Variants in SYNE2 observed in about 807,000 individuals in gnomAD.
SYNE2 encodes the protein nesprin-2.
SYNE2 carries 431 observed loss-of-function variants against 856.3 expected under a neutral mutation model. The ratio of observed to expected loss-of-function variants is 0.50; its 90% CI spans 0.47 to 0.55. The LOEUF (loss-of-function observed/expected upper bound fraction) is 0.55, where lower values mean the gene tolerates loss of function less well. Ranked by LOEUF, SYNE2 falls within the 20% of genes least tolerant of loss-of-function variation. SYNE2 has a pLI of 0.00. For missense variants in SYNE2, 8,129 were observed against 8,023.2 expected (o/e 1.01, Z -0.50); for synonymous variants, 2,923 against 2,872.3 (o/e 1.02, Z -0.56).
chr14:63,998,361 A>C, intron 26 of SYNE2, 33 bp downstream of exon 26: 1 of 1,432,604 alleles, frequency 7.0e-7, no homozygotes, highest in Non-Finnish European at 9.9e-7. Context: ...TGGAAAATCC[A>C]CCAGAAGTCT....
intron 89 of SYNE2, 25 bp from the exon 90 acceptor site, chr14:64,165,260 C>G: frequency 6.2e-7 from 1 of 1,610,344 alleles, no homozygotes; most frequent in Non-Finnish European, 8.5e-7. Context: ...AAAATAGTTT[C>G]TAATGAAAAT....
chr14:64,051,072 T>C (rs938665987), intron 47 of SYNE2, among the ~76,000 whole-genome samples: 1 of 152,132 alleles, frequency 6.6e-6, no homozygotes, highest in Non-Finnish European at 1.5e-5. Flanking sequence ...GGGGTTTACT[T>C]TCAGTAACAG....
intron 9 of SYNE2, among the ~76,000 whole-genome samples, chr14:63,962,868 A>G (rs1018064874): frequency 2.0e-5 from 3 of 152,204 alleles, no homozygotes; most frequent in Admixed American, 1.3e-4. Context: ...CCATTTGATT[A>G]TTCAGTTTTT....
At chr14:64,207,747 TAGTG>T (rs1168974602) in intron 100 of SYNE2, among the ~76,000 whole-genome samples, 1 of 152,230 alleles carries the variant, frequency 6.6e-6, no homozygotes, top group Non-Finnish European at 1.5e-5. Flanking sequence ...GTCTAGTTAA[TAGTG>T]GTTAAAGTAG....
intron 64 of SYNE2, 125 bp downstream of exon 64, chr14:64,102,167 AGTGCAGTC>A (rs2097735995): frequency 2.8e-6 from 2 of 703,950 alleles, no homozygotes; most frequent in African/African-American, 3.5e-5. Flanking sequence ...CCCAGACTGG[AGTGCAGTC>A]GTATGATCTC....
chr14:63,814,523 A>G (rs906371577), intron 1 of SYNE2, among the ~76,000 whole-genome samples: 1 of 140,034 alleles, frequency 7.1e-6, no homozygotes, highest in Non-Finnish European at 1.5e-5. Flanking sequence ...TATCCATTAT[A>G]TATATCCATA....
intron 51 of SYNE2, among the ~76,000 whole-genome samples, chr14:64,069,286 A>G (rs2097383679): frequency 2.2e-5 from 1 of 46,250 alleles, no homozygotes; most frequent in African/African-American, 6.0e-5. Flanking sequence ...GGGACAGAAA[A>G]TGATACAATG....
chr14:64,126,324 C>T lies in SYNE2; in HGVS notation c.13555-3C>T. The T allele has an allele frequency of 2.5e-6, 4 of 1,612,794 alleles. No homozygotes were observed. The highest frequency in any genetic ancestry group is 2.5e-6 in the Non-Finnish European group (3 of 1,178,884). The stretch of plus-strand genomic sequence containing the variant: ...TTCTTTTTCTTTTTTCCTCTTGATT[C>T]AGGAAAATATGACAGAAGAAGCATA... On this transcript the variant is annotated splice_polypyrimidine_tract_variant and splice_region_variant and intron_variant, in intron 71 of 115. Coordinates refer to ENST00000555002, the MANE Select transcript of SYNE2 (RefSeq NM_182914.3).
intron 51 of SYNE2, among the ~76,000 whole-genome samples, chr14:64,069,548 C>G (rs1567205821): frequency 6.6e-6 from 1 of 152,162 alleles, no homozygotes; most frequent in Non-Finnish European, 1.5e-5. Flanking sequence ...TCCCCAGGCC[C>G]CTCTCGACAT....
intron 21 of SYNE2, 126 bp from the exon 22 acceptor site, chr14:63,993,709 A>T: frequency 2.5e-6 from 2 of 800,836 alleles, no homozygotes; most frequent in Non-Finnish European, 3.9e-6. Flanking sequence ...ATCTTCAGAT[A>T]TTCTTCAGAG....
intron 1 of SYNE2, among the ~76,000 whole-genome samples, chr14:63,810,757 A>G (rs143928911): frequency 0.019 from 2,910 of 152,328 alleles, 41 homozygotes; most frequent in Admixed American, 0.032. Flanking sequence ...GCAATTTAGT[A>G]AAGTACTTTT....
At position 64,026,642 on chromosome 14, in the gene SYNE2, A is replaced by G; in HGVS notation, c.6316A>G (p.Ser2106Gly). 2 of 1,613,780 alleles carry G rather than the reference A, an allele frequency of 1.2e-6. No individual in the cohort carries two copies. The highest frequency in any genetic ancestry group is 1.1e-5 in the South Asian group (1 of 91,020). The change falls in exon 42 of 116, where the codon AGC becomes GGC. Residue 2106 changes from serine to glycine, a missense_variant. Coordinates refer to ENST00000555002, the MANE Select transcript of SYNE2 (RefSeq NM_182914.3). ...AGAGACCATCATGAAGCAGGCTGAG[A>G]GCAGCGAGGCCCCGCTGGTTCAGAA... ...RIETIMKQAE[S>G]SEAPLVQKTL...
At chr14:63,992,856 A>G (rs1320081286) in intron 21 of SYNE2, among the ~76,000 whole-genome samples, 1 of 152,216 alleles carries the variant, frequency 6.6e-6, no homozygotes, top group Non-Finnish European at 1.5e-5. Context: ...CCTGGAGCTC[A>G]GCATTGTGCC....
In SYNE2 at chr14:64,051,695, A is replaced by G. The variant is rs1418929917; in HGVS notation, c.7782A>G (p.Lys2594=). 3 of 1,614,244 alleles carry G rather than the reference A, an allele frequency of 1.9e-6. No homozygotes were observed. Among genetic ancestry groups the G allele is most frequent in the Non-Finnish European group, 1.7e-6 (2 of 1,180,040 alleles). ...ACCACGTGACTGACATGGATAAGAA[A>G]TTGTTGGAAAGCCAGATTAAGCAAC... The part of the protein sequence containing the change: ...LSNHVTDMDK[K]LLESQIKQLE... Residue 2594 remains lysine, a synonymous_variant, in exon 48 of 116, where the codon AAA becomes AAG. Coordinates refer to ENST00000555002, the MANE Select transcript of SYNE2 (RefSeq NM_182914.3).
chr14:64,196,048 A>G (rs1442339872), intron 99 of SYNE2, among the ~76,000 whole-genome samples: 1 of 152,238 alleles, frequency 6.6e-6, no homozygotes, highest in African/African-American at 2.4e-5. Flanking sequence ...AGCATCAGGC[A>G]GGTCCAGTGT....
intron 62 of SYNE2, chr14:64,098,494 A>G (rs958036933): frequency 1.7e-6 from 1 of 593,292 alleles, no homozygotes; most frequent in Non-Finnish European, 3.0e-6. Context: ...CTGCATTCAC[A>G]TCAATGAATC....
chr14:63,804,942 G>C (rs1888302933), intron 1 of SYNE2, among the ~76,000 whole-genome samples: 2 of 152,258 alleles, frequency 1.3e-5, no homozygotes, highest in Non-Finnish European at 2.9e-5. Context: ...AGGGATCCAG[G>C]TTCAATCTTC....
rs757936399 is a variant in SYNE2, at chr14:64,002,773, G to C, written c.3840G>C (p.Glu1280Asp). 1.2e-6 allele frequency: 2 copies of C among 1,613,858 alleles called. No homozygotes were observed. Among genetic ancestry groups the C allele is most frequent in the South Asian group, 1.1e-5 (1 of 91,060 alleles). The stretch of plus-strand genomic sequence containing the variant: ...TTGAAATATGTAACCGCTTAGAAGA[G>C]CCAGGCAACTTTGTATTAAAGGAGT... ...KQIEICNRLEEPGNFVLKELH... is the reference protein window; with the variant it reads ...KQIEICNRLEDPGNFVLKELH... The change falls in exon 30 of 116, where the codon GAG (glutamate) becomes GAC (aspartate). Residue 1280 changes from glutamate (E) to aspartate (D), a missense_variant. Around this residue, in one of 3 missense-constraint regions of SYNE2, gnomAD observed 2,422 missense variants for 2,357.4 expected, o/e 1.03. Transcript: ENST00000555002.
At chr14:63,974,886 G>C (rs1310630365) in intron 11 of SYNE2, among the ~76,000 whole-genome samples, 1 of 26,302 alleles carries the variant, frequency 3.8e-5, no homozygotes, top group African/African-American at 1.2e-4. Context: ...GTGTGTGTGT[G>C]TGTGTGTATA....
Sources: allele counts gnomAD v4.1 joint callset (sites outside exome capture counted in the v4.1 genomes callset), GRCh38; gene constraint gnomAD v4.1.1; regional missense constraint gnomAD v4.1.1; transcripts MANE v1.5; gene names NCBI Gene and HGNC (gene_info 2026-07-23, HGNC 2026-07-21).